SPOCK1: variants seen among roughly 807,000 people sequenced by gnomAD.
The protein encoded by SPOCK1 is SPARC (osteonectin), cwcv and kazal like domains proteoglycan 1.
In SPOCK1, 23 loss-of-function variants were observed where a neutral mutation model predicts 55.3. That is an observed-to-expected ratio of 0.42 (90% CI 0.30 to 0.59). The LOEUF is 0.59. Among genes scored for constraint, SPOCK1 ranks in the 20% least tolerant of loss-of-function variants. The pLI is 0.22. For synonymous variants in SPOCK1, 226 were observed against 221.0 expected, an observed-to-expected ratio of 1.02 and a Z score of -0.20; for missense variants, 499 against 552.5, an observed-to-expected ratio of 0.90 and a Z score of 0.97.
intron 2 of SPOCK1, among the ~76,000 whole-genome samples, chr5:137,292,654 C>A (rs747155382): frequency 6.6e-6 from 1 of 152,050 alleles, no homozygotes; most frequent in Non-Finnish European, 1.5e-5. Context: ...AATGCACTGA[C>A]GCATCTTTAA....
chr5:137,403,817 G>T (rs990830392), intron 2 of SPOCK1, among the ~76,000 whole-genome samples: 5 of 152,086 alleles, frequency 3.3e-5, no homozygotes, highest in Non-Finnish European at 7.4e-5. Flanking sequence ...GTAACAGGAG[G>T]CCTGTCATGA....
chr5:137,277,699 A>G (rs961461466), intron 2 of SPOCK1, among the ~76,000 whole-genome samples: 3 of 152,186 alleles, frequency 2.0e-5, no homozygotes, highest in African/African-American at 2.4e-5. Context: ...CCTGCTTCAC[A>G]AGGTCTCTAA....
intron 2 of SPOCK1, among the ~76,000 whole-genome samples, chr5:137,375,829 C>G (rs552421325): frequency 1.3e-5 from 2 of 152,188 alleles, no homozygotes; most frequent in Non-Finnish European, 2.9e-5. Flanking sequence ...ACAGGCTATG[C>G]GTGACCTCCA....
chr5:137,012,904 G>A (rs1751378878), intron 6 of SPOCK1, among the ~76,000 whole-genome samples: 1 of 152,152 alleles, frequency 6.6e-6, no homozygotes. Context: ...AACTGCGAAG[G>A]CATTAAAAAT....
chr5:137,370,873 T>C (rs1484982045), intron 2 of SPOCK1, among the ~76,000 whole-genome samples: 1 of 152,182 alleles, frequency 6.6e-6, no homozygotes, highest in Non-Finnish European at 1.5e-5. Context: ...CTGGGGTGAA[T>C]GGGCCTCAGG....
chr5:137,204,935 A>T (rs191422195), intron 3 of SPOCK1, among the ~76,000 whole-genome samples: 1 of 152,280 alleles, frequency 6.6e-6, no homozygotes, highest in African/African-American at 2.4e-5. Context: ...ATGAAAGGCC[A>T]ACTCCACCAC....
At chr5:137,202,598 C>T (rs931592377) in intron 3 of SPOCK1, among the ~76,000 whole-genome samples, 1 of 152,198 alleles carries the variant, frequency 6.6e-6, no homozygotes, top group African/African-American at 2.4e-5. Flanking sequence ...TTGTGTTGAA[C>T]AGCCCTTAGA....
chr5:137,377,482 T>G (rs1276528467), intron 2 of SPOCK1, among the ~76,000 whole-genome samples: 1 of 152,240 alleles, frequency 6.6e-6, no homozygotes, highest in Non-Finnish European at 1.5e-5. Context: ...TTCTTGTCTA[T>G]CTCAGCAAAT....
intron 2 of SPOCK1, among the ~76,000 whole-genome samples, chr5:137,484,621 C>T (rs1486322376): frequency 6.6e-6 from 1 of 152,198 alleles, no homozygotes. Flanking sequence ...ATCAGTACCA[C>T]GTGACAACAA....
chr5:137,187,261 G>T (rs62376276), intron 3 of SPOCK1, among the ~76,000 whole-genome samples: 2 of 151,972 alleles, frequency 1.3e-5, no homozygotes, highest in African/African-American at 4.8e-5. Flanking sequence ...TCTGTCAGCA[G>T]CCTGCTTCTC....
intron 2 of SPOCK1, among the ~76,000 whole-genome samples, chr5:137,488,236 G>A (rs1195242944): frequency 2.0e-5 from 3 of 152,258 alleles, no homozygotes; most frequent in African/African-American, 7.2e-5. Context: ...AATTAGCTGG[G>A]CGTGGTGGCG....
intron 3 of SPOCK1, among the ~76,000 whole-genome samples, chr5:137,184,646 G>A (rs1210276856): frequency 6.6e-6 from 1 of 152,150 alleles, no homozygotes; most frequent in African/African-American, 2.4e-5. Flanking sequence ...GAATATTGGG[G>A]CAGCCACATC....
At chr5:137,106,044 A>AAG (rs1753362203) in intron 5 of SPOCK1, among the ~76,000 whole-genome samples, 1 of 152,082 alleles carries the variant, frequency 6.6e-6, no homozygotes, top group Non-Finnish European at 1.5e-5. Context: ...CTGACATCTG[A>AAG]GCTTCAGTCA....
intron 5 of SPOCK1, among the ~76,000 whole-genome samples, chr5:137,085,155 G>T (rs746717096): frequency 6.6e-6 from 1 of 152,146 alleles, no homozygotes. Context: ...GCACCTCAGG[G>T]TCGGAGGGTT....
At chr5:137,040,145 C>T (rs1050977096) in intron 6 of SPOCK1, among the ~76,000 whole-genome samples, 24 of 152,316 alleles carry the variant, frequency 1.6e-4, no homozygotes, top group Non-Finnish European at 2.4e-4. Flanking sequence ...TGGTGATGCC[C>T]GCAGAGACTG....
At chr5:137,298,391 T>C (rs1003118703) in intron 2 of SPOCK1, among the ~76,000 whole-genome samples, 4 of 152,220 alleles carry the variant, frequency 2.6e-5, no homozygotes, top group Non-Finnish European at 5.9e-5. Context: ...TGGTTTGAAA[T>C]GTGGGTCTTA....
In SPOCK1 at chr5:137,112,573, A is replaced by T. The variant is rs139528937; in HGVS notation, c.348-12T>A. Reference sequence around the variant, plus strand: ...TCCCCTTCTTTTGCCTAAAGATGAGAAAAAAGGGGATAAATTAGTTGAAGC... The same window carrying T: ...TCCCCTTCTTTTGCCTAAAGATGAGTAAAAAGGGGATAAATTAGTTGAAGC... On this transcript the variant is annotated splice_polypyrimidine_tract_variant and intron_variant, in intron 4 of 10. Coordinates refer to ENST00000394945, the MANE Select transcript of SPOCK1 (RefSeq NM_004598.4). 444 of 1,610,528 alleles carry T rather than the reference A, an allele frequency of 2.8e-4. 2 individuals carry two copies. In the African/African-American group the frequency reaches 5.0e-3, roughly 18 times the overall value.
intron 2 of SPOCK1, among the ~76,000 whole-genome samples, chr5:137,443,572 T>C (rs1405120344): frequency 1.3e-5 from 2 of 152,200 alleles, no homozygotes; most frequent in Admixed American, 6.5e-5. Context: ...GGTCCACACT[T>C]GACTCCTTGT....
At chr5:137,392,983 T>G (rs1243373183) in intron 2 of SPOCK1, among the ~76,000 whole-genome samples, 1 of 152,190 alleles carries the variant, frequency 6.6e-6, no homozygotes. Flanking sequence ...CCTGTGACTC[T>G]CCTCTGCTCA....
Sources: allele counts gnomAD v4.1 joint callset (sites outside exome capture counted in the v4.1 genomes callset), GRCh38; gene constraint gnomAD v4.1.1; transcripts MANE v1.5; gene names NCBI Gene and HGNC (gene_info 2026-07-23, HGNC 2026-07-21).